Variants in RNF43 observed in about 807,000 individuals in gnomAD.
RNF43 encodes the protein ring finger protein 43, also known as E3 ubiquitin-protein ligase RNF43.
RNF43 carries 37 observed loss-of-function variants against 78.4 expected under a neutral mutation model. The observed-to-expected ratio is 0.47, with a 90% CI of 0.36 to 0.62. The LOEUF (loss-of-function observed/expected upper bound fraction) is 0.62. Among genes scored for constraint, RNF43 ranks in the 20% least tolerant of loss-of-function variants. The pLI is 0.00. For synonymous variants in RNF43, 347 were observed against 395.0 expected, an observed-to-expected ratio of 0.88 and a Z score of 1.44; for missense variants, 774 against 1,007.9, an observed-to-expected ratio of 0.77 and a Z score of 3.14.
At position 58,354,712 on chromosome 17, in the gene RNF43, T is replaced by A. The variant is rs550605461; in HGVS notation, c.*231A>T. On this transcript the variant is annotated 3_prime_UTR_variant, in exon 10 of 10. Coordinates refer to ENST00000407977, the MANE Select transcript of RNF43 (RefSeq NM_017763.6). Reference sequence around the variant, plus strand: ...CAGCAGCTGGTTGCCTGGCTGGACATGGATTTGCTGCACTGCAGATGTTTT... The same window carrying A: ...CAGCAGCTGGTTGCCTGGCTGGACAAGGATTTGCTGCACTGCAGATGTTTT... 2 of 557,172 alleles carry A rather than the reference T, an allele frequency of 3.6e-6. No homozygotes were observed. Among genetic ancestry groups the A allele is most frequent in the African/African-American group, 3.7e-5 (2 of 53,452 alleles). The allele number at this position is 557,172 out of a possible 1,614,324, so 34.5% of individuals were successfully genotyped here. A position where few individuals can be genotyped will look rare whatever the true frequency, so the allele number is the denominator to read the frequency against.
chr17:58,405,771 AAAAT>A (rs531573925), intron 2 of RNF43, among the ~76,000 whole-genome samples: 2 of 152,104 alleles, frequency 1.3e-5, no homozygotes, highest in Non-Finnish European at 2.9e-5. Flanking sequence ...AGAAAAAGAG[AAAAT>A]AAATAAATCA....
At chr17:58,384,491 GATT>G (rs1359995444) in intron 2 of RNF43, among the ~76,000 whole-genome samples, 1 of 152,148 alleles carries the variant, frequency 6.6e-6, no homozygotes, top group East Asian at 1.9e-4. Flanking sequence ...CCTAAATTAA[GATT>G]ATTATTCAGC....
rs1436930126 is a variant in RNF43, at chr17:58,407,653, T to C, written c.252+7673A>G. On this transcript the variant is annotated intron_variant, in intron 2 of 9. Transcript: ENST00000407977. Reference sequence around the variant, plus strand: ...TTCAAAACAAGCAAGCAACAACAAATCTTGGCTTTAAAAAATATATAAAGT... The same window carrying C: ...TTCAAAACAAGCAAGCAACAACAAACCTTGGCTTTAAAAAATATATAAAGT... Among the ~76,000 whole-genome samples, 5 of 152,122 alleles carry C rather than the reference T, an allele frequency of 3.3e-5. No homozygotes were observed. The South Asian group carries it at 1.0e-3, about 32-fold the overall frequency.
Position 58,360,358 on chromosome 17 carries a change from T to C in RNF43, c.850-107A>G, listed in dbSNP as rs1313294520. 2.4e-5 allele frequency: 18 copies of C among 762,160 alleles called. No homozygotes were observed. The Admixed American group carries it at 3.9e-4, about 16-fold the overall frequency. The allele number at this position is 762,160 out of a possible 1,614,324, so 47.2% of individuals were successfully genotyped here. A position where few individuals can be genotyped will look rare whatever the true frequency, so the allele number is the denominator to read the frequency against. ...TAGGCCTCTCCTTGCTATTATCTAC[T>C]TGTAAAAGACCTCACAGTAGAATAG... is the stretch of plus-strand genomic sequence containing the variant. On this transcript the variant is annotated intron_variant, in intron 7 of 9. Coordinates refer to ENST00000407977, the MANE Select transcript of RNF43 (RefSeq NM_017763.6). This position sits in a 1 kb window ranked among gnomAD's most constrained non-coding sequence, Gnocchi z 4.3.
chr17:58,376,789 G>T (rs942554988), intron 2 of RNF43, among the ~76,000 whole-genome samples: 1 of 152,168 alleles, frequency 6.6e-6, no homozygotes, highest in African/African-American at 2.4e-5. Flanking sequence ...TTTGAGAAGG[G>T]TGTGGCTGTG....
chr17:58,373,350 G>C (rs1255300881), intron 2 of RNF43, among the ~76,000 whole-genome samples: 1 of 152,124 alleles, frequency 6.6e-6, no homozygotes, highest in Non-Finnish European at 1.5e-5. Flanking sequence ...CCTCTGACAA[G>C]GTGGAAGGGA....
chr17:58,363,584 TC>T lies in RNF43; in HGVS notation c.391del (p.Glu131SerfsTer27). The part of the protein sequence containing the change: ...SLASKARMAG[E>X]RGASAVLFDI... ...AAAGAGGACAGCACTGGCTCCTCGCTCACCCGCCATCCGAGCCTGCAGAGGC... is the reference window on the plus strand; with the variant it reads ...AAAGAGGACAGCACTGGCTCCTCGCTACCCGCCATCCGAGCCTGCAGAGGC... On this transcript the variant is annotated frameshift_variant, in exon 4 of 10. Transcript: ENST00000407977. LOFTEE classifies it high-confidence loss of function. The T allele has an allele frequency of 6.2e-7, 1 of 1,611,400 alleles. No individual in the cohort carries two copies.
chr17:58,396,928 A>C (rs974152777), intron 2 of RNF43, among the ~76,000 whole-genome samples: 5 of 152,174 alleles, frequency 3.3e-5, no homozygotes, highest in Admixed American at 6.6e-5. Context: ...TATGACATAC[A>C]CAATCTTCAA....
intron 2 of RNF43, among the ~76,000 whole-genome samples, chr17:58,377,961 T>C (rs1354667304): frequency 1.3e-5 from 2 of 151,848 alleles, no homozygotes; most frequent in African/African-American, 2.4e-5. Flanking sequence ...CCTGCAGATA[T>C]GGGGGTGGGA....
intron 2 of RNF43, among the ~76,000 whole-genome samples, chr17:58,402,174 A>T (rs1489716174): frequency 6.6e-6 from 1 of 152,226 alleles, no homozygotes; most frequent in Non-Finnish European, 1.5e-5. Flanking sequence ...GGACACCACA[A>T]GAAGGCTCAG....
rs751340676 is a variant in RNF43 at position 58,371,049 on chromosome 17, G to A, written c.253-16C>T. 5.1e-6 allele frequency: 8 copies of A among 1,557,364 alleles called. No individual in the cohort carries two copies. The highest frequency in any genetic ancestry group is 1.4e-5 in the African/African-American group (1 of 73,848). ...GCGGGTGGGACTGCAGAGAGAGACA[G>A]ACTTGGGTTAGGGAGGCTTTAGGCA... On this transcript the variant is annotated splice_polypyrimidine_tract_variant and intron_variant, in intron 2 of 9. Transcript: ENST00000407977.
chr17:58,383,664 C>T (rs895265069), intron 2 of RNF43, among the ~76,000 whole-genome samples: 3 of 152,096 alleles, frequency 2.0e-5, no homozygotes, highest in Non-Finnish European at 4.4e-5. Context: ...GTTGCCCAGG[C>T]TGGAGTGCAA....
Position 58,354,553 on chromosome 17 carries a change from T to C in RNF43, c.*390A>G. On this transcript the variant is annotated 3_prime_UTR_variant, in exon 10 of 10. Coordinates refer to ENST00000407977, the MANE Select transcript of RNF43 (RefSeq NM_017763.6). ...CTGAACCCACTGGCTGGTATGAACA[T>C]GAGGCTTGGGGTGAGGGAAACCAAG... 1 of 350,052 alleles carries C rather than the reference T, an allele frequency of 2.9e-6. No individual in the cohort carries two copies. Among genetic ancestry groups the C allele is most frequent in the East Asian group, 4.3e-5 (1 of 23,138 alleles). 21.7% of individuals were successfully genotyped at this position (350,052 alleles called of 1,614,324 possible).
chr17:58,404,584 T>C (rs1281159124), intron 2 of RNF43, among the ~76,000 whole-genome samples: 3 of 152,216 alleles, frequency 2.0e-5, no homozygotes, highest in African/African-American at 7.2e-5. Context: ...TCTTCTTAAA[T>C]GGTTCTCTAT....
chr17:58,393,203 T>A (rs892405798), intron 2 of RNF43, among the ~76,000 whole-genome samples: 3 of 152,096 alleles, frequency 2.0e-5, no homozygotes, highest in African/African-American at 7.2e-5. Flanking sequence ...AGGTCAGGAG[T>A]TCGAGACCAG....
In RNF43 at chr17:58,415,404, T is replaced by C. The variant is rs751565685; in HGVS notation, c.174A>G (p.Thr58=). The change falls in exon 2 of 10, where the codon ACA becomes ACG. Residue 58 remains threonine, a synonymous_variant. Coordinates refer to ENST00000407977, the MANE Select transcript of RNF43 (RefSeq NM_017763.6). ...IRVIPLKMDP[T]GKLNLTLEGV... is the part of the protein sequence containing the mutation. ...CTTCCAAAGTGAGATTCAGTTTTCCTGTGGGGTCCATTTTCAAGGGGATCA... is the reference window on the plus strand; with the variant it reads ...CTTCCAAAGTGAGATTCAGTTTTCCCGTGGGGTCCATTTTCAAGGGGATCA... 2 of 1,614,250 alleles carry C rather than the reference T, an allele frequency of 1.2e-6. No individual in the cohort carries two copies. Among genetic ancestry groups the C allele is most frequent in the South Asian group, 1.1e-5 (1 of 91,086 alleles).
Position 58,371,062 on chromosome 17 carries a change from G to T in RNF43, c.253-29C>A, listed in dbSNP as rs1270442913. On this transcript the variant is annotated intron_variant, in intron 2 of 9. Transcript: ENST00000407977. The stretch of plus-strand genomic sequence containing the variant: ...CAGAGAGAGACAGACTTGGGTTAGG[G>T]AGGCTTTAGGCAGCAGGAGTGAGCT... 3 of 1,542,012 alleles carry T rather than the reference G, an allele frequency of 1.9e-6. No homozygotes were observed. The South Asian group carries it at 3.8e-5, about 19-fold the overall frequency.
At chr17:58,401,353 G>C (rs886663952) in intron 2 of RNF43, among the ~76,000 whole-genome samples, 2 of 152,232 alleles carry the variant, frequency 1.3e-5, no homozygotes, top group Non-Finnish European at 2.9e-5. Flanking sequence ...ACATCCATGT[G>C]TTTGGGTATG....
At chr17:58,384,133 T>C (rs1468796654) in intron 2 of RNF43, among the ~76,000 whole-genome samples, 1 of 152,238 alleles carries the variant, frequency 6.6e-6, no homozygotes, top group Non-Finnish European at 1.5e-5. Context: ...TACTTCTTAA[T>C]TGTTCAAACC....
Sources: allele counts gnomAD v4.1 joint callset (sites outside exome capture counted in the v4.1 genomes callset), GRCh38; gene constraint gnomAD v4.1.1; non-coding constraint Gnocchi (gnomAD v3.1); transcripts MANE v1.5; gene names NCBI Gene and HGNC (gene_info 2026-07-23, HGNC 2026-07-21).